VAT1L: variants seen among roughly 807,000 people sequenced by gnomAD.
VAT1L encodes the protein vesicle amine transport 1 like.
In VAT1L, 34 loss-of-function variants were observed where a neutral mutation model predicts 44.1. The ratio of observed to expected loss-of-function variants is 0.77; its 90% CI spans 0.59 to 1.03. The LOEUF is 1.03. Among genes scored for constraint, VAT1L ranks in the 50% least tolerant of loss-of-function variants. VAT1L has a pLI of 0.00. For synonymous variants in VAT1L, 253 were observed against 202.2 expected, an observed-to-expected ratio of 1.25 and a Z score of -2.13; for missense variants, 615 against 538.8, an observed-to-expected ratio of 1.14 and a Z score of -1.40.
intron 3 of VAT1L, among the ~76,000 whole-genome samples, chr16:77,857,035 G>C (rs2016866017): frequency 1.3e-5 from 2 of 152,204 alleles, no homozygotes; most frequent in African/African-American, 4.8e-5. Context: ...TCTGCCCCAT[G>C]GTGGGACAAA....
chr16:77,879,502 G>T lies in VAT1L; in HGVS notation c.882+278G>T, dbSNP rs1456906952. Among the ~76,000 whole-genome samples the T allele has an allele frequency of 6.6e-6, 1 of 152,152 alleles. No homozygotes were observed. Among genetic ancestry groups the T allele is most frequent in the Non-Finnish European group, 1.5e-5 (1 of 68,044 alleles). On this transcript the variant is annotated intron_variant, in intron 6 of 8. Transcript: ENST00000302536. This position sits in a 1 kb window ranked among gnomAD's most constrained non-coding sequence, Gnocchi z 4.1. ...GACGGGGTTTCACCGTGTTGGCCAG[G>T]ATGGTCTCAATCTGACCTCGTGATC...
intron 7 of VAT1L, among the ~76,000 whole-genome samples, chr16:77,923,702 C>G (rs2017636212): frequency 6.6e-6 from 1 of 152,210 alleles, no homozygotes; most frequent in Admixed American, 6.5e-5. Context: ...AGGCTTCTCC[C>G]AAGCCTGCTT....
intron 7 of VAT1L, among the ~76,000 whole-genome samples, chr16:77,927,467 T>C (rs902341891): frequency 6.6e-6 from 1 of 152,028 alleles, no homozygotes; most frequent in African/African-American, 2.4e-5. Flanking sequence ...AACCAATTGA[T>C]CCATCTCCAG....
intron 1 of VAT1L, among the ~76,000 whole-genome samples, chr16:77,793,824 C>T (rs2015879594): frequency 6.6e-6 from 1 of 152,102 alleles, no homozygotes; most frequent in Non-Finnish European, 1.5e-5. Context: ...TGGTGGAATT[C>T]TAATATGTCA....
chr16:77,960,136 C>T (rs957133408), intron 7 of VAT1L, among the ~76,000 whole-genome samples: 5 of 152,114 alleles, frequency 3.3e-5, no homozygotes, highest in Non-Finnish European at 5.9e-5. Flanking sequence ...GGTAATGTTA[C>T]ATTTGTTTGA....
intron 7 of VAT1L, among the ~76,000 whole-genome samples, chr16:77,920,891 T>C (rs1301491173): frequency 6.6e-6 from 1 of 152,068 alleles, no homozygotes; most frequent in Non-Finnish European, 1.5e-5. Flanking sequence ...ACCATGCATT[T>C]CTCAGAATGT....
intron 7 of VAT1L, among the ~76,000 whole-genome samples, chr16:77,916,115 C>T (rs376315975): frequency 1.6e-4 from 25 of 152,204 alleles, no homozygotes; most frequent in African/African-American, 4.6e-4. Flanking sequence ...AGCCTTCAGA[C>T]GAAGAAATGG....
At chr16:77,862,951 T>A (rs1310138466) in intron 4 of VAT1L, 61 bp downstream of exon 4, 8 of 1,542,978 alleles carry the variant, frequency 5.2e-6, no homozygotes, top group African/African-American at 1.4e-5. Flanking sequence ...CAAAGAGCAG[T>A]AGCACTTATT....
intron 3 of VAT1L, among the ~76,000 whole-genome samples, chr16:77,841,555 C>T (rs892835827): frequency 6.6e-6 from 1 of 152,206 alleles, no homozygotes. Context: ...TCTTCTGTCT[C>T]ACAAATGTCA....
Position 77,794,465 on chromosome 16 carries a change from G to A in VAT1L, c.233+5550G>A, listed in dbSNP as rs555760722. 8.5e-5 allele frequency among the ~76,000 whole-genome samples: 13 copies of A among 152,260 alleles called. No homozygotes were observed. In the South Asian group the frequency reaches 2.3e-3, roughly 27 times the overall value. On this transcript the variant is annotated intron_variant, in intron 1 of 8. Transcript: ENST00000302536. ...AATCACCACTCCTTGAACCACTAAA[G>A]ATATTGGAGTTCCTCCCTCTGCCTC...
intron 1 of VAT1L, among the ~76,000 whole-genome samples, chr16:77,816,093 C>A (rs537107742): frequency 1.3e-5 from 2 of 150,172 alleles, no homozygotes; most frequent in African/African-American, 4.9e-5. Flanking sequence ...AAGAGCAGTT[C>A]TGATAAAATA....
At position 77,879,617 on chromosome 16, in the gene VAT1L, A is replaced by G. The variant is rs180716802; in HGVS notation, c.882+393A>G. Among the ~76,000 whole-genome samples, 309 of 152,284 alleles carry G rather than the reference A, an allele frequency of 2.0e-3. No individual in the cohort carries two copies. Among genetic ancestry groups the G allele is most frequent in the African/African-American group, 7.0e-3 (290 of 41,570 alleles). ...TCTTCTATCATAAGGCATTGACTTA[A>G]TCTTGTCTTTCAATTTCCTCGTTCA... is the stretch of plus-strand genomic sequence containing the variant. On this transcript the variant is annotated intron_variant, in intron 6 of 8. Coordinates refer to ENST00000302536, the MANE Select transcript of VAT1L (RefSeq NM_020927.3). This position sits in a 1 kb window ranked among gnomAD's most constrained non-coding sequence, Gnocchi z 4.1.
At chr16:77,954,943 C>G (rs1886661367) in intron 7 of VAT1L, among the ~76,000 whole-genome samples, 2 of 152,092 alleles carry the variant, frequency 1.3e-5, no homozygotes, top group Admixed American at 6.6e-5. Flanking sequence ...ATAGGAAACA[C>G]ACGTGATTTT....
At chr16:77,970,691 G>T (rs953303498) in intron 7 of VAT1L, among the ~76,000 whole-genome samples, 1 of 152,134 alleles carries the variant, frequency 6.6e-6, no homozygotes, top group Non-Finnish European at 1.5e-5. Context: ...TGTGTAATAA[G>T]TTTTTTTCCC....
At chr16:77,855,204 G>C (rs2016845481) in intron 3 of VAT1L, among the ~76,000 whole-genome samples, 1 of 152,100 alleles carries the variant, frequency 6.6e-6, no homozygotes, top group Non-Finnish European at 1.5e-5. Flanking sequence ...GCTGGGCATG[G>C]TGCCACGTGC....
At chr16:77,802,201 C>T (rs2016069494) in intron 1 of VAT1L, among the ~76,000 whole-genome samples, 1 of 152,286 alleles carries the variant, frequency 6.6e-6, no homozygotes, top group Admixed American at 6.5e-5. Context: ...GTTTTCTTTC[C>T]TTTTCCTAGT....
chr16:77,870,866 C>G (rs2017024208), intron 4 of VAT1L, among the ~76,000 whole-genome samples: 1 of 152,140 alleles, frequency 6.6e-6, no homozygotes, highest in Admixed American at 6.5e-5. Flanking sequence ...AGCCTTCCGG[C>G]TCCACTTGTG....
rs2017310708 is a variant in VAT1L at position 77,895,178 on chromosome 16, C to T, written c.1077+10376C>T. Among the ~76,000 whole-genome samples the T allele has an allele frequency of 2.0e-5, 3 of 150,790 alleles. No individual in the cohort carries two copies. The South Asian group carries it at 6.3e-4, about 32-fold the overall frequency. Reference sequence around the variant, plus strand: ...CTGGCCTCATGTGTTTTCTGCAGCTCAAACTTACCAGCACTATCACGCCCC... The same window carrying T: ...CTGGCCTCATGTGTTTTCTGCAGCTTAAACTTACCAGCACTATCACGCCCC... On this transcript the variant is annotated intron_variant, in intron 7 of 8. Transcript: ENST00000302536.
chr16:77,849,052 C>G (rs1287413448), intron 3 of VAT1L, among the ~76,000 whole-genome samples: 1 of 151,988 alleles, frequency 6.6e-6, no homozygotes, highest in Non-Finnish European at 1.5e-5. Flanking sequence ...GGGTGGCGGA[C>G]TAGGGGAGGG....
Sources: allele counts gnomAD v4.1 joint callset (sites outside exome capture counted in the v4.1 genomes callset), GRCh38; gene constraint gnomAD v4.1.1; non-coding constraint Gnocchi (gnomAD v3.1); transcripts MANE v1.5; gene names NCBI Gene and HGNC (gene_info 2026-07-23, HGNC 2026-07-21).